Variants in TMEM171 observed in about 807,000 individuals in gnomAD.
TMEM171 encodes the protein transmembrane protein 171.
A neutral mutation model predicts 19.1 loss-of-function variants in TMEM171; 16 were observed. The ratio of observed to expected loss-of-function variants is 0.84; its 90% CI spans 0.57 to 1.27. The LOEUF is 1.27. Among genes scored for constraint, TMEM171 ranks in the 50% most tolerant of loss-of-function variants. The probability of loss-of-function intolerance (pLI) is 0.00; values close to 1 mark genes in which losing one functional copy is unlikely to be tolerated. For missense variants in TMEM171, 429 were observed against 412.7 expected, an observed-to-expected ratio of 1.04 and a Z score of -0.34; for synonymous variants, 153 against 163.4, an observed-to-expected ratio of 0.94 and a Z score of 0.48.
chr5:73,127,384 A>AAATATATATATATAT, intron 2 of TMEM171, among the ~76,000 whole-genome samples: 1 of 81,686 alleles, frequency 1.2e-5, no homozygotes, highest in African/African-American at 6.6e-5. Flanking sequence ...AAAAAAAAAA[A>AAATATATATATATAT]ATATATATAT....
chr5:73,123,198 AC>A (rs141172956), intron 1 of TMEM171, 107 bp from the exon 2 acceptor site: 2 of 907,234 alleles, frequency 2.2e-6, no homozygotes, highest in African/African-American at 1.7e-5. Context: ...ATAAAGTTCT[AC>A]CCCCAAGGCC....
chr5:73,129,928 G>A (rs895269870), intron 3 of TMEM171, among the ~76,000 whole-genome samples: 4 of 152,210 alleles, frequency 2.6e-5, no homozygotes, highest in Non-Finnish European at 2.9e-5. Flanking sequence ...AGAATGCAGC[G>A]AGGCAGGCTC....
intron 1 of TMEM171, among the ~76,000 whole-genome samples, chr5:73,121,142 A>G (rs1412534297): frequency 6.6e-6 from 1 of 152,130 alleles, no homozygotes; most frequent in Non-Finnish European, 1.5e-5. Flanking sequence ...ACTATTATGG[A>G]TCAGAGGTGA....
At position 73,131,799 on chromosome 5, in the gene TMEM171, A is replaced by T. The variant is rs923815723; in HGVS notation, c.*69A>T. The T allele has an allele frequency of 7.3e-7, 1 of 1,376,976 alleles. No individual in the cohort carries two copies. Among genetic ancestry groups the T allele is most frequent in the Non-Finnish European group, 9.7e-7 (1 of 1,028,838 alleles). 85.3% of individuals were successfully genotyped at this position (1,376,976 alleles called of 1,614,324 possible). A position where few individuals can be genotyped will look rare whatever the true frequency, so the allele number is the denominator to read the frequency against. On this transcript the variant is annotated 3_prime_UTR_variant, in exon 4 of 4. Transcript: ENST00000454765. Reference sequence around the variant, plus strand: ...TTATTTAATTTTTTTTAAATAAAAAATACAATAGCATTGGCTATATTCTGA... The same window carrying T: ...TTATTTAATTTTTTTTAAATAAAAATTACAATAGCATTGGCTATATTCTGA...
At position 73,123,426 on chromosome 5, in the gene TMEM171, T is replaced by A; in HGVS notation, c.53T>A (p.Val18Asp). ...EPDGDQQDRH[V>D]SKLIFCFFVF... The stretch of plus-strand genomic sequence containing the variant: ...GATGGGGACCAGCAGGACAGACACG[T>A]CAGCAAACTCATCTTCTGCTTCTTT... The change falls in exon 2 of 4, where the codon GTC becomes GAC. Residue 18 changes from valine to aspartate, a missense_variant. Val to Asp is a radical substitution (Grantham distance 152). Coordinates refer to ENST00000454765, the MANE Select transcript of TMEM171 (RefSeq NM_173490.8). 2 of 1,614,156 alleles carry A rather than the reference T, an allele frequency of 1.2e-6. No homozygotes were observed. The highest frequency in any genetic ancestry group is 1.7e-6 in the Non-Finnish European group (2 of 1,180,018).
Position 73,120,582 on chromosome 5 carries a change from G to A in TMEM171, c.-183G>A. On this transcript the variant is annotated 5_prime_UTR_variant, in exon 1 of 4. Coordinates refer to ENST00000454765, the MANE Select transcript of TMEM171 (RefSeq NM_173490.8). ...GGGTCCGCCCTCCGCACCAGGACGC[G>A]CGGTGGGTAGGGTGCAGGGCGGCCG... is the stretch of plus-strand genomic sequence containing the variant. 1.0e-6 allele frequency: 1 copy of A among 985,438 alleles called. No homozygotes were observed. Among genetic ancestry groups the A allele is most frequent in the Non-Finnish European group, 1.2e-6 (1 of 830,228 alleles). 61.0% of individuals were successfully genotyped at this position (985,438 alleles called of 1,614,324 possible). A position where few individuals can be genotyped will look rare whatever the true frequency, so the allele number is the denominator to read the frequency against.
chr5:73,124,451 A>C (rs1744108947), intron 2 of TMEM171, among the ~76,000 whole-genome samples: 1 of 152,186 alleles, frequency 6.6e-6, no homozygotes, highest in South Asian at 2.1e-4. Flanking sequence ...CCAGGCTGTC[A>C]CTAGCTGGCT....
intron 2 of TMEM171, among the ~76,000 whole-genome samples, chr5:73,126,538 G>GT (rs1461112897): frequency 1.3e-5 from 2 of 152,224 alleles, no homozygotes; most frequent in Non-Finnish European, 2.9e-5. Context: ...CCCTCGGCTG[G>GT]TGTTGAGCTG....
chr5:73,128,581 T>G (rs1329454451), intron 3 of TMEM171, 50 bp downstream of exon 3: 1 of 1,605,454 alleles, frequency 6.2e-7, no homozygotes, highest in Non-Finnish European at 8.5e-7. Flanking sequence ...CAGGCCACAC[T>G]AGTATTAAGG....
In TMEM171 at chr5:73,123,432, A is replaced by G. The variant is rs761078585; in HGVS notation, c.59A>G (p.Lys20Arg). The G allele has an allele frequency of 3.1e-6, 5 of 1,613,932 alleles. No individual in the cohort carries two copies. The African/African-American group carries it at 6.7e-5, about 22-fold the overall frequency. The change falls in exon 2 of 4, where the codon AAA (lysine) becomes AGA (arginine). Residue 20 changes from lysine (K) to arginine (R), a missense_variant. Physicochemically the swap from Lys to Arg is conservative, Grantham distance 26. Coordinates refer to ENST00000454765, the MANE Select transcript of TMEM171 (RefSeq NM_173490.8). ...DGDQQDRHVSKLIFCFFVFGA... is the reference protein window; with the variant it reads ...DGDQQDRHVSRLIFCFFVFGA... ...GACCAGCAGGACAGACACGTCAGCA[A>G]ACTCATCTTCTGCTTCTTTGTCTTC... is the stretch of plus-strand genomic sequence containing the variant.
rs1476677835 is a variant in TMEM171, at chr5:73,131,725, C to T, written c.970C>T (p.Pro324Ser). ...FLPLSSEPSP[P>S] is the part of the protein sequence containing the mutation. Reference sequence around the variant, plus strand: ...GCCTCTATCTTCTGAGCCTTCCCCACCGTAAACTATGGACTCTAGTTCAGT... The same window carrying T: ...GCCTCTATCTTCTGAGCCTTCCCCATCGTAAACTATGGACTCTAGTTCAGT... Residue 324 changes from proline to serine, a missense_variant, in exon 4 of 4, where the codon CCG (proline) becomes TCG (serine). By Grantham distance (74) the Pro-to-Ser change is moderately conservative (BLOSUM62 -1). Coordinates refer to ENST00000454765, the MANE Select transcript of TMEM171 (RefSeq NM_173490.8). 2.4e-5 allele frequency: 38 copies of T among 1,607,352 alleles called. No homozygotes were observed. The highest frequency in any genetic ancestry group is 3.1e-5 in the Non-Finnish European group (36 of 1,177,580).
intron 2 of TMEM171, among the ~76,000 whole-genome samples, chr5:73,125,801 T>G (rs574823950): frequency 2.6e-5 from 4 of 152,326 alleles, no homozygotes; most frequent in African/African-American, 9.6e-5. Context: ...CTGCATGGTT[T>G]AAAATCTTTT....
At chr5:73,121,553 T>TA (rs1744008158) in intron 1 of TMEM171, among the ~76,000 whole-genome samples, 1 of 152,208 alleles carries the variant, frequency 6.6e-6, no homozygotes, top group South Asian at 2.1e-4. Context: ...ACTGACTTAA[T>TA]AAAAAATGGG....
chr5:73,131,708 C>G lies in TMEM171; in HGVS notation c.953C>G (p.Ser318Cys). 1.9e-6 allele frequency: 3 copies of G among 1,612,448 alleles called. No individual in the cohort carries two copies. Among genetic ancestry groups the G allele is most frequent in the Non-Finnish European group, 2.5e-6 (3 of 1,179,380 alleles). Residue 318 changes from serine to cysteine, a missense_variant, in exon 4 of 4, where the codon TCT becomes TGT. Coordinates refer to ENST00000454765, the MANE Select transcript of TMEM171 (RefSeq NM_173490.8). ...GCTGCAGCTACATTCTTGCCTCTAT[C>G]TTCTGAGCCTTCCCCACCGTAAACT... ...ENAAATFLPL[S>C]SEPSPP
At chr5:73,125,798 G>T (rs1416128946) in intron 2 of TMEM171, among the ~76,000 whole-genome samples, 2 of 152,142 alleles carry the variant, frequency 1.3e-5, no homozygotes, top group Non-Finnish European at 2.9e-5. Flanking sequence ...GCACTGCATG[G>T]TTTAAAATCT....
Position 73,131,684 on chromosome 5 carries a change from C to A in TMEM171, c.929C>A (p.Ala310Asp). 6.2e-7 allele frequency: 1 copy of A among 1,613,896 alleles called. No homozygotes were observed. Among genetic ancestry groups the A allele is most frequent in the Non-Finnish European group, 8.5e-7 (1 of 1,179,918 alleles). ...LPPRYEEKEN[A>D]AATFLPLSSE... ...CCTAGATATGAAGAAAAAGAAAATGCTGCAGCTACATTCTTGCCTCTATCT... is the reference window on the plus strand; with the variant it reads ...CCTAGATATGAAGAAAAAGAAAATGATGCAGCTACATTCTTGCCTCTATCT... Residue 310 changes from alanine (A) to aspartate (D), a missense_variant, in exon 4 of 4, where the codon GCT (alanine) becomes GAT (aspartate). By Grantham distance (126) the Ala-to-Asp change is moderately radical (BLOSUM62 -2). Transcript: ENST00000454765.
At chr5:73,127,407 A>ATAT (rs1364234564) in intron 2 of TMEM171, among the ~76,000 whole-genome samples, 1 of 137,120 alleles carries the variant, frequency 7.3e-6, no homozygotes, top group South Asian at 2.3e-4. Flanking sequence ...ATATATATAT[A>ATAT]AAGCATAAAC....
At chr5:73,125,324 A>C (rs1218421865) in intron 2 of TMEM171, among the ~76,000 whole-genome samples, 1 of 152,198 alleles carries the variant, frequency 6.6e-6, no homozygotes, top group Non-Finnish European at 1.5e-5. Context: ...CCCCTGTGTG[A>C]AATTCATTCA....
chr5:73,127,382 A>T (rs200854292), intron 2 of TMEM171, among the ~76,000 whole-genome samples: 1,843 of 67,912 alleles, frequency 0.027, 35 homozygotes, highest in African/African-American at 0.07. Flanking sequence ...AAAAAAAAAA[A>T]AAATATATAT....
Sources: allele counts gnomAD v4.1 joint callset (sites outside exome capture counted in the v4.1 genomes callset), GRCh38; gene constraint gnomAD v4.1.1; transcripts MANE v1.5; gene names NCBI Gene and HGNC (gene_info 2026-07-23, HGNC 2026-07-21).